The following GRM1 variants were observed in gnomAD, a reference collection of about 807,000 sequenced individuals.
The protein encoded by GRM1 is metabotropic glutamate receptor 1.
In GRM1, 33 loss-of-function variants were observed where a neutral mutation model predicts 90.9. The ratio of observed to expected loss-of-function variants is 0.36; its 90% CI spans 0.28 to 0.49. GRM1 has a LOEUF of 0.49. Among genes scored for constraint, GRM1 ranks in the 20% least tolerant of loss-of-function variants. GRM1 has a pLI of 0.99. For synonymous variants in GRM1, 700 were observed against 613.2 expected, an observed-to-expected ratio of 1.14 and a Z score of -2.09; for missense variants, 1,190 against 1,534.3, an observed-to-expected ratio of 0.78 and a Z score of 3.75.
intron 3 of GRM1, among the ~76,000 whole-genome samples, chr6:146,324,682 T>A (rs1183364618): frequency 2.6e-5 from 4 of 151,962 alleles, no homozygotes; most frequent in Non-Finnish European, 5.9e-5. Context: ...GGGAGGGAGT[T>A]CCCTGACCCT....
At chr6:146,424,316 A>T (rs983450409) in intron 7 of GRM1, among the ~76,000 whole-genome samples, 9 of 152,190 alleles carry the variant, frequency 5.9e-5, no homozygotes, top group Non-Finnish European at 1.2e-4. Flanking sequence ...TCAGACCCTG[A>T]TCTTGTCGGG....
At chr6:146,342,899 A>G (rs1785032273) in intron 3 of GRM1, among the ~76,000 whole-genome samples, 1 of 152,110 alleles carries the variant, frequency 6.6e-6, no homozygotes, top group Non-Finnish European at 1.5e-5. Context: ...GCTACGTAAC[A>G]TTTGTCATAG....
chr6:146,326,518 A>G (rs1306626019), intron 3 of GRM1, among the ~76,000 whole-genome samples: 10 of 152,192 alleles, frequency 6.6e-5, no homozygotes, highest in Non-Finnish European at 1.5e-5. Flanking sequence ...CTGGTGAAAT[A>G]ATCTGTACAA....
At chr6:146,396,297 G>C (rs1776932493) in intron 6 of GRM1, among the ~76,000 whole-genome samples, 1 of 152,170 alleles carries the variant, frequency 6.6e-6, no homozygotes, top group South Asian at 2.1e-4. Flanking sequence ...AAAAGTGTGT[G>C]CTTGCCAATG....
intron 2 of GRM1, among the ~76,000 whole-genome samples, chr6:146,208,033 C>T (rs1417116636): frequency 6.6e-6 from 1 of 152,176 alleles, no homozygotes; most frequent in East Asian, 1.9e-4. Flanking sequence ...AACCCTCAGG[C>T]TGCCTGTCAT....
chr6:146,400,090 A>C (rs1777103302), intron 7 of GRM1, among the ~76,000 whole-genome samples: 1 of 152,198 alleles, frequency 6.6e-6, no homozygotes, highest in African/African-American at 2.4e-5. Context: ...TATAATGTCT[A>C]GTTCTGACCA....
chr6:146,152,497 C>A (rs897779458), intron 1 of GRM1, among the ~76,000 whole-genome samples: 1 of 151,920 alleles, frequency 6.6e-6, no homozygotes, highest in African/African-American at 2.4e-5. Flanking sequence ...ATGGAGGAAG[C>A]AGTACAAAAT....
At position 146,148,026 on chromosome 6, in the gene GRM1, G is replaced by A. The variant is rs73571267; in HGVS notation, c.701-11322G>A. Reference sequence around the variant, plus strand: ...TCTAAGTATGTAGATATCACAGAAAGTGGCACATAGCCTATGGCCAACTTT... The same window carrying A: ...TCTAAGTATGTAGATATCACAGAAAATGGCACATAGCCTATGGCCAACTTT... On this transcript the variant is annotated intron_variant, in intron 1 of 7. Transcript: ENST00000282753. Among the ~76,000 whole-genome samples the A allele has an allele frequency of 9.9e-3, 1,510 of 152,280 alleles. 22 individuals carry two copies. The highest frequency in any genetic ancestry group is 0.034 in the African/African-American group (1,430 of 41,562).
chr6:146,401,432 A>T (rs1224185331), intron 7 of GRM1, among the ~76,000 whole-genome samples: 3 of 152,196 alleles, frequency 2.0e-5, no homozygotes. Flanking sequence ...AATGGGAAAA[A>T]ATAATTAGAC....
At chr6:146,210,278 T>C (rs1364682621) in intron 2 of GRM1, among the ~76,000 whole-genome samples, 1 of 152,214 alleles carries the variant, frequency 6.6e-6, no homozygotes, top group East Asian at 1.9e-4. Context: ...TCTTGAACTG[T>C]ATATCCTCAG....
At chr6:146,219,998 G>A (rs1780006335) in intron 2 of GRM1, among the ~76,000 whole-genome samples, 1 of 151,954 alleles carries the variant, frequency 6.6e-6, no homozygotes, top group Non-Finnish European at 1.5e-5. Context: ...GTATCAAGGA[G>A]GTAGAAAAGA....
intron 2 of GRM1, among the ~76,000 whole-genome samples, chr6:146,270,891 T>TTCTTTC (rs1211955668): frequency 9.1e-6 from 1 of 110,242 alleles, no homozygotes; most frequent in South Asian, 3.2e-4. Context: ...CTTTCTTTCT[T>TTCTTTC]TCTTTCTTTC....
At chr6:146,055,423 C>T (rs1172403829) in intron 1 of GRM1, among the ~76,000 whole-genome samples, 1 of 151,944 alleles carries the variant, frequency 6.6e-6, no homozygotes, top group Non-Finnish European at 1.5e-5. Context: ...TTTCATTTTC[C>T]ATTAAACAAT....
In GRM1 at chr6:146,139,385, G is replaced by A. The variant is rs115743869; in HGVS notation, c.701-19963G>A. ...TTCTGTGTTGATTTTCTGTATGGAT[G>A]ATCTGTCCAATGCTGAAAGTACAGG... On this transcript the variant is annotated intron_variant, in intron 1 of 7. Coordinates refer to ENST00000282753, the MANE Select transcript of GRM1 (RefSeq NM_001278064.2). Among the ~76,000 whole-genome samples, 802 of 152,246 alleles carry A rather than the reference G, an allele frequency of 5.3e-3. 4 individuals are homozygous for A. The highest frequency in any genetic ancestry group is 0.019 in the African/African-American group (780 of 41,548).
chr6:146,407,343 G>C (rs1009911754), intron 7 of GRM1, among the ~76,000 whole-genome samples: 1 of 152,102 alleles, frequency 6.6e-6, no homozygotes, highest in African/African-American at 2.4e-5. Context: ...TAACACACTT[G>C]CTCCACAAAT....
chr6:146,278,733 G>A (rs1473951894), intron 2 of GRM1, among the ~76,000 whole-genome samples: 1 of 152,134 alleles, frequency 6.6e-6, no homozygotes, highest in Non-Finnish European at 1.5e-5. Flanking sequence ...GCAGTAAGCC[G>A]AGATCACGCT....
At chr6:146,103,230 A>G (rs1777109757) in intron 1 of GRM1, among the ~76,000 whole-genome samples, 1 of 152,194 alleles carries the variant, frequency 6.6e-6, no homozygotes, top group African/African-American at 2.4e-5. Flanking sequence ...CATTATATAT[A>G]ACTTAGGAGA....
intron 2 of GRM1, among the ~76,000 whole-genome samples, chr6:146,185,636 T>G (rs1278473630): frequency 2.6e-5 from 4 of 152,204 alleles, no homozygotes; most frequent in African/African-American, 9.7e-5. Flanking sequence ...TCTCTTTCAG[T>G]CCAGATTGGT....
intron 2 of GRM1, among the ~76,000 whole-genome samples, chr6:146,223,873 A>G (rs534987595): frequency 6.6e-6 from 1 of 152,256 alleles, no homozygotes; most frequent in Non-Finnish European, 1.5e-5. Context: ...AGTGAGTTTT[A>G]ATTTTAAATA....
Sources: allele counts gnomAD v4.1 joint callset (sites outside exome capture counted in the v4.1 genomes callset), GRCh38; gene constraint gnomAD v4.1.1; transcripts MANE v1.5; gene names NCBI Gene and HGNC (gene_info 2026-07-23, HGNC 2026-07-21).